The following ZNF117 variants were observed in gnomAD, a reference collection of about 807,000 sequenced individuals.
The protein encoded by ZNF117 is zinc finger protein 117.
A neutral mutation model predicts 41.2 loss-of-function variants in ZNF117; 37 were observed. The observed-to-expected ratio is 0.90, with a 90% CI of 0.69 to 1.18. The LOEUF (loss-of-function observed/expected upper bound fraction) is 1.18, where lower values mean the gene tolerates loss of function less well. ZNF117 is among the 50% of genes most tolerant of loss of function. The pLI, the probability that ZNF117 is intolerant of heterozygous loss-of-function variation, is 0.00. For missense variants in ZNF117, 546 were observed against 557.5 expected, an observed-to-expected ratio of 0.98 and a Z score of 0.21; for synonymous variants, 186 against 186.6, an observed-to-expected ratio of 1.00 and a Z score of 0.02.
exon 1 of ZNF117, chr7:64,982,111 T>A: frequency 1.1e-6 from 1 of 947,850 alleles, no homozygotes; most frequent in Non-Finnish European, 1.7e-6. Context: ...TAAATGTCAA[T>A]GGTCCCTGAA....
chr7:64,989,775 AAAG>A (rs56156830), intron 1 of ZNF117, among the ~76,000 whole-genome samples, 169 bp downstream of exon 1: 2 of 150,524 alleles, frequency 1.3e-5, no homozygotes, highest in African/African-American at 2.4e-5. Flanking sequence ...TTTTAAAAAA[AAAG>A]AAGAAGAAGA....
intron 2 of ZNF117, 120 bp from the exon 4 acceptor site, chr7:64,979,656 A>C: frequency 2.8e-6 from 2 of 722,058 alleles, no homozygotes; most frequent in Non-Finnish European, 4.0e-6. Context: ...AAAATACCAC[A>C]GGTTCTAATT....
exon 1 of ZNF117, chr7:64,990,583 C>G (rs1353166599): frequency 6.6e-6 from 1 of 152,254 alleles, no homozygotes; most frequent in East Asian, 1.9e-4. Context: ...GCAACATGAG[C>G]CTACCTTACT....
At position 64,978,961 on chromosome 7, in the gene ZNF117, G is replaced by A. The variant is rs1785962165; in HGVS notation, c.610C>T (p.Gln204Ter). Residue 204 changes from glutamine to a stop codon, truncating the protein, a stop_gained, in exon 3 of 3, where the codon CAG (glutamine) becomes TAG (stop). Transcript: ENST00000620222. LOFTEE classifies it high-confidence loss of function. ...TTATGTGTAGTAAGGGTCGATGACT[G>A]GTTAAAGGCTTTGCCACATTCTTCA... is the stretch of plus-strand genomic sequence containing the variant. The A allele has an allele frequency of 6.2e-7, 1 of 1,613,270 alleles. No homozygotes were observed. The highest frequency in any genetic ancestry group is 1.1e-5 in the South Asian group (1 of 91,064).
chr7:64,980,154 T>TTC (rs1302106515), intron 2 of ZNF117: 19 of 152,376 alleles, frequency 1.2e-4, no homozygotes, highest in Admixed American at 1.2e-3. Context: ...AACTAGAACA[T>TTC]TTCAGACAAG....
chr7:64,972,657 T>G (rs1785801211), downstream of ZNF117: 1 of 151,920 alleles, frequency 6.6e-6, no homozygotes, highest in African/African-American at 2.4e-5. Flanking sequence ...AAGGGGGGTT[T>G]TGGAAGATGT....
intron 2 of ZNF117, 100 bp from the exon 4 acceptor site, chr7:64,979,636 A>G (rs1419644239): frequency 2.2e-6 from 2 of 924,292 alleles, no homozygotes; most frequent in Middle Eastern, 3.3e-4. Flanking sequence ...CATAAGCAAG[A>G]TGGCATAGCA....
exon 3 of ZNF117, chr7:64,977,018 G>T (rs1161112288): frequency 3.8e-6 from 2 of 532,758 alleles, no homozygotes; most frequent in Non-Finnish European, 7.7e-6. Context: ...GTGCAGTAAG[G>T]TTTGAGGATA....
exon 3 of ZNF117, chr7:64,978,916 T>C: frequency 6.2e-7 from 1 of 1,613,406 alleles, no homozygotes; most frequent in Non-Finnish European, 8.5e-7. Flanking sequence ...TTGTAGGGAA[T>C]TTCCCCAGTA....
At chr7:64,988,949 A>G (rs976673175) in intron 1 of ZNF117, among the ~76,000 whole-genome samples, 7 of 152,294 alleles carry the variant, frequency 4.6e-5, no homozygotes, top group African/African-American at 1.4e-4. Flanking sequence ...CATATATGAC[A>G]CAAATAAATG....
intron 1 of ZNF117, among the ~76,000 whole-genome samples, chr7:64,987,828 G>GAAAAAAAAAAAAAAAAAA (rs71061345): frequency 7.3e-6 from 1 of 136,832 alleles, no homozygotes. Context: ...CCACAAAAAG[G>GAAAAAAAAAAAAAAAAAA]AAAAAAAAAA....
exon 3 of ZNF117, chr7:64,978,799 A>C (rs762683306): frequency 1.9e-6 from 3 of 1,613,502 alleles, no homozygotes; most frequent in Non-Finnish European, 2.5e-6. Context: ...GATCGGTTAA[A>C]AGCTTTGCCG....
At chr7:64,984,590 C>T (rs753214171), upstream of ZNF117, among the ~76,000 whole-genome samples, 9 of 152,068 alleles carry the variant, frequency 5.9e-5, no homozygotes, top group Non-Finnish European at 1.2e-4. Flanking sequence ...CTATAATTAA[C>T]TCTACTGGAT....
exon 3 of ZNF117, chr7:64,974,605 G>A (rs1205129432): frequency 6.6e-6 from 1 of 151,502 alleles, no homozygotes; most frequent in Non-Finnish European, 1.5e-5. Flanking sequence ...GTAATATATG[G>A]GTATAGTTAA....
chr7:64,990,414 A>G (rs1279844250), exon 1 of ZNF117: 1 of 185,664 alleles, frequency 5.4e-6, no homozygotes, highest in East Asian at 1.9e-4. Context: ...TAACATCCAA[A>G]GGCTGAGCCC....
At chr7:64,978,639 C>A (rs771079902) in exon 3 of ZNF117, 2 of 1,612,340 alleles carry the variant, frequency 1.2e-6, no homozygotes, top group Admixed American at 1.7e-5. Context: ...AAAAGCTTTG[C>A]CACATTCTTC....
At chr7:64,989,487 AT>A (rs2129121349) in intron 1 of ZNF117, among the ~76,000 whole-genome samples, 2 of 106,004 alleles carry the variant, frequency 1.9e-5, no homozygotes, top group African/African-American at 7.4e-5. Context: ...ATATATATAT[AT>A]ATATATATAT....
At chr7:64,979,560 C>T (rs1852016) in intron 2 of ZNF117, 24 bp from the exon 4 acceptor site, 1,422,711 of 1,437,408 alleles carry the variant, frequency 0.99, 705,246 homozygotes, top group East Asian at 1. Flanking sequence ...AAGTAACAAA[C>T]TACTTCACTT....
At chr7:64,979,319 A>G (rs1374484583) in exon 3 of ZNF117, 2 of 1,592,992 alleles carry the variant, frequency 1.3e-6, no homozygotes, top group Non-Finnish European at 1.7e-6. Flanking sequence ...CTACATATTT[A>G]TTACATTGAA....
Sources: gnomAD v4.1 joint callset for allele counts (sites outside exome capture counted in the v4.1 genomes callset) on GRCh38, gnomAD v4.1.1 for gene constraint, MANE v1.5 for transcripts, NCBI Gene and HGNC (gene_info 2026-07-23, HGNC 2026-07-21) for gene names.